The following CCNYL1 variants were observed in gnomAD, a reference collection of about 807,000 sequenced individuals.
The protein encoded by CCNYL1 is cyclin-Y-like protein 1.
Under a neutral mutation model 44.2 loss-of-function variants are expected in CCNYL1, and 16 were observed. That is an observed-to-expected ratio of 0.36 (90% CI 0.25 to 0.55). CCNYL1 has a LOEUF of 0.55. Among genes scored for constraint, CCNYL1 ranks in the 20% least tolerant of loss-of-function variants. The pLI is 0.85. For missense variants in CCNYL1, 348 were observed against 451.8 expected, an observed-to-expected ratio of 0.77 and a Z score of 2.08; for synonymous variants, 159 against 163.2, an observed-to-expected ratio of 0.97 and a Z score of 0.20.
chr2:207,712,165 C>T (rs2091554065), intron 1 of CCNYL1, 49 bp downstream of exon 1: 1 of 1,513,236 alleles, frequency 6.6e-7, no homozygotes, highest in Non-Finnish European at 9.0e-7. Flanking sequence ...CTCTGCCCGC[C>T]TCCTCCCCCA....
At chr2:207,739,405 G>C (rs989413388) in intron 5 of CCNYL1, among the ~76,000 whole-genome samples, 2 of 151,728 alleles carry the variant, frequency 1.3e-5, no homozygotes, top group South Asian at 2.1e-4. Flanking sequence ...GCTAATTTTT[G>C]TATTAGTAGA....
chr2:207,729,496 T>C, intron 3 of CCNYL1, among the ~76,000 whole-genome samples: 1 of 152,116 alleles, frequency 6.6e-6, no homozygotes, highest in Non-Finnish European at 1.5e-5. Flanking sequence ...CCCTCACGTG[T>C]GATAGTCTCT....
chr2:207,724,695 T>C (rs1309288581), intron 1 of CCNYL1, 105 bp from the exon 2 acceptor site: 1 of 804,240 alleles, frequency 1.2e-6, no homozygotes, highest in South Asian at 1.6e-5. Context: ...TACTAAAAAC[T>C]TCTCTGAAGA....
intron 1 of CCNYL1, among the ~76,000 whole-genome samples, chr2:207,712,352 C>T (rs892701857): frequency 2.0e-5 from 3 of 152,238 alleles, no homozygotes; most frequent in Non-Finnish European, 4.4e-5. Context: ...TCCCATTCTC[C>T]CAAGCCGGCG....
At chr2:207,712,180 C>A (rs376226089) in intron 1 of CCNYL1, 64 bp downstream of exon 1, 31 of 1,406,894 alleles carry the variant, frequency 2.2e-5, no homozygotes, top group African/African-American at 1.9e-4. Context: ...CCCCCAGAGT[C>A]CCCCGGGAGG....
At chr2:207,714,538 C>G in intron 1 of CCNYL1, 1 of 274,910 alleles carries the variant, frequency 3.6e-6, no homozygotes, top group Non-Finnish European at 7.2e-6. Flanking sequence ...ATATACCCAT[C>G]AAATAAACAG....
Position 207,736,114 on chromosome 2 carries a change from C to T in CCNYL1, c.432-1297C>T, listed in dbSNP as rs538056255. On this transcript the variant is annotated intron_variant, in intron 4 of 9. Coordinates refer to ENST00000295414, the MANE Select transcript of CCNYL1 (RefSeq NM_001330218.2). The stretch of plus-strand genomic sequence containing the variant: ...AAGCCTTGGTTCCCATATCTGTAAA[C>T]TGGGTGTTGGATTAAATGTCATGTA... Among the ~76,000 whole-genome samples, 9 of 152,288 alleles carry T rather than the reference C, an allele frequency of 5.9e-5. No individual in the cohort carries two copies. In the South Asian group the frequency reaches 1.4e-3, roughly 25 times the overall value.
chr2:207,719,565 T>TG (rs1459114196), intron 1 of CCNYL1, among the ~76,000 whole-genome samples: 3 of 152,006 alleles, frequency 2.0e-5, no homozygotes, highest in Non-Finnish European at 4.4e-5. Flanking sequence ...CCTCCCAAAA[T>TG]GCTGGGATTA....
intron 4 of CCNYL1, 37 bp downstream of exon 4, chr2:207,734,084 A>C (rs769200164): frequency 7.6e-7 from 1 of 1,323,644 alleles, no homozygotes; most frequent in Non-Finnish European, 1.1e-6. Context: ...TGAGTGACAG[A>C]CCCCCTTATG....
chr2:207,716,551 A>T (rs1325716667), intron 1 of CCNYL1, among the ~76,000 whole-genome samples: 1 of 152,158 alleles, frequency 6.6e-6, no homozygotes, highest in Non-Finnish European at 1.5e-5. Context: ...GTGCTCCAAG[A>T]TATCTTTCCA....
intron 8 of CCNYL1, among the ~76,000 whole-genome samples, chr2:207,748,492 A>C (rs961054275): frequency 6.6e-6 from 1 of 152,194 alleles, no homozygotes. Context: ...CTTGGTAGGC[A>C]GGCTGAGCCA....
In CCNYL1 at chr2:207,729,260, GCCCCCACCCCACCCCCCCCA is replaced by G. The variant is rs2091704947; in HGVS notation, c.330+2390_330+2409del. Among the ~76,000 whole-genome samples, 7 of 38,508 alleles carry G rather than the reference GCCCCCACCCCACCCCCCCCA, an allele frequency of 1.8e-4. 2 individuals carry two copies. Among genetic ancestry groups the G allele is most frequent in the African/African-American group, 6.0e-4 (4 of 6,658 alleles). 25.3% of individuals were successfully genotyped at this position (38,508 alleles called of 152,430 possible). ...TCTTTACTTGTCTCCGCCCCCCCCC[GCCCCCACCCCACCCCCCCCA>G]CCCCCCCGCACTCTCCCATTTTCTA... On this transcript the variant is annotated intron_variant, in intron 3 of 9. Coordinates refer to ENST00000295414, the MANE Select transcript of CCNYL1 (RefSeq NM_001330218.2).
intron 1 of CCNYL1, chr2:207,714,547 A>AG (rs1247689303): frequency 3.7e-6 from 1 of 273,792 alleles, no homozygotes; most frequent in Non-Finnish European, 7.2e-6. Context: ...TCAAATAAAC[A>AG]GGTTGATAAA....
intron 1 of CCNYL1, among the ~76,000 whole-genome samples, chr2:207,719,782 G>A (rs373793956): frequency 7.2e-5 from 11 of 151,854 alleles, no homozygotes; most frequent in African/African-American, 2.2e-4. Flanking sequence ...AGGCTGGAGT[G>A]CAGTGGTGTG....
chr2:207,733,739 C>T (rs1414481591), intron 3 of CCNYL1, among the ~76,000 whole-genome samples: 1 of 152,204 alleles, frequency 6.6e-6, no homozygotes, highest in Admixed American at 6.5e-5. Context: ...ACAAGAGCAG[C>T]ATTTCATAAC....
At chr2:207,737,493 C>CATGAT (rs2091774772) in intron 5 of CCNYL1, 47 bp downstream of exon 5, 1 of 1,483,890 alleles carries the variant, frequency 6.7e-7, no homozygotes, top group Non-Finnish European at 9.4e-7. Flanking sequence ...AATTACTTTG[C>CATGAT]ATGATATCAA....
chr2:207,729,145 C>T (rs1255353515), intron 3 of CCNYL1, among the ~76,000 whole-genome samples: 1 of 152,000 alleles, frequency 6.6e-6, no homozygotes, highest in Admixed American at 6.6e-5. Context: ...ACTATGTCTT[C>T]TAGAGAATTT....
chr2:207,753,985 C>T lies in CCNYL1; in HGVS notation c.*287C>T, dbSNP rs1411462143. The T allele has an allele frequency of 1.0e-5, 3 of 290,284 alleles. No homozygotes were observed. Among genetic ancestry groups the T allele is most frequent in the Non-Finnish European group, 1.9e-5 (3 of 156,716 alleles). The allele number at this position is 290,284 out of a possible 1,614,324, so 18.0% of individuals were successfully genotyped here. A position where few individuals can be genotyped will look rare whatever the true frequency, so the allele number is the denominator to read the frequency against. On this transcript the variant is annotated 3_prime_UTR_variant, in exon 10 of 10. Coordinates refer to ENST00000295414, the MANE Select transcript of CCNYL1 (RefSeq NM_001330218.2). ...ACAGATATTTGCTTACTGTGTGGGC[C>T]GATAGCTGTGAACTATGTAAGGTTT... is the stretch of plus-strand genomic sequence containing the variant.
chr2:207,747,339 A>G (rs1028736579), intron 8 of CCNYL1, 126 bp downstream of exon 8: 14 of 693,216 alleles, frequency 2.0e-5, no homozygotes, highest in Admixed American at 9.4e-5. Context: ...GCATAAGACT[A>G]TATCTGTCTA....
Sources: gnomAD v4.1 joint callset for allele counts (sites outside exome capture counted in the v4.1 genomes callset) on GRCh38, gnomAD v4.1.1 for gene constraint, MANE v1.5 for transcripts, NCBI Gene and HGNC (gene_info 2026-07-23, HGNC 2026-07-21) for gene names.